COL6A3: variants seen among roughly 807,000 people sequenced by gnomAD.
COL6A3 encodes collagen alpha-3(VI) chain.
In COL6A3, 137 loss-of-function variants were observed where a neutral mutation model predicts 274.1. The observed-to-expected ratio is 0.50, with a 90% CI of 0.44 to 0.58. The LOEUF (loss-of-function observed/expected upper bound fraction) is 0.58, where lower values mean the gene tolerates loss of function less well. COL6A3 is among the 20% of genes least tolerant of loss of function. The pLI is 0.00. For missense variants in COL6A3, 3,950 were observed against 4,124.9 expected, an observed-to-expected ratio of 0.96 and a Z score of 1.16; for synonymous variants, 1,650 against 1,650.6, an observed-to-expected ratio of 1.00 and a Z score of 0.01.
At position 237,340,458 on chromosome 2, in the gene COL6A3, C is replaced by A; in HGVS notation, c.8458G>T (p.Val2820Phe). The A allele has an allele frequency of 6.2e-7, 1 of 1,612,450 alleles. No homozygotes were observed. Among genetic ancestry groups the A allele is most frequent in the South Asian group, 1.1e-5 (1 of 91,062 alleles). Residue 2820 changes from valine (V) to phenylalanine (F), a missense_variant, in exon 38 of 44, where the codon GTC becomes TTC. Transcript: ENST00000295550. ...TGTGCCACGCAGGACTTACTGCTGACGAAGGATGGCAACAGCCTCCCGAAG... is the reference window on the plus strand; with the variant it reads ...TGTGCCACGCAGGACTTACTGCTGAAGAAGGATGGCAACAGCCTCCCGAAG... ...MRFGRLLPSF[V>F]SSENAFYLSP...
intron 9 of COL6A3, among the ~76,000 whole-genome samples, chr2:237,370,889 G>A (rs1289426946): frequency 1.3e-5 from 2 of 152,052 alleles, no homozygotes; most frequent in Admixed American, 1.3e-4. Flanking sequence ...ATCACAATGG[G>A]GCAAGATGAA....
rs2077623565 is a variant in COL6A3, at chr2:237,369,054, G to T, written c.4409C>A (p.Pro1470His). ...SRIVRRLNIGPSKVRVGVVQF... is the reference protein window; with the variant it reads ...SRIVRRLNIGHSKVRVGVVQF... ...CACGACCCCAACTCTCACTTTACTG[G>T]GGCCGATGTTGAGTCTTCGAACAAT... Residue 1470 changes from proline (P) to histidine (H), a missense_variant, in exon 10 of 44, where the codon CCC becomes CAC. This residue lies in a region of COL6A3 where 1,934 missense variants were observed against 1,984.3 expected (regional missense o/e 0.97). Coordinates refer to ENST00000295550, the MANE Select transcript of COL6A3 (RefSeq NM_004369.4). 1 of 1,614,186 alleles carries T rather than the reference G, an allele frequency of 6.2e-7. No individual in the cohort carries two copies.
At chr2:237,353,635 C>T (rs1178190674) in intron 24 of COL6A3, among the ~76,000 whole-genome samples, 3 of 152,166 alleles carry the variant, frequency 2.0e-5, no homozygotes, top group Non-Finnish European at 4.4e-5. Flanking sequence ...CACCTCTCCT[C>T]GGACAGCTTT....
chr2:237,386,540 G>C (rs2078147338), intron 4 of COL6A3: 1 of 152,166 alleles, frequency 6.6e-6, no homozygotes, highest in South Asian at 2.1e-4. Context: ...TAGATGATTG[G>C]TTGCAGATGA....
Position 237,395,004 on chromosome 2 carries a change from T to A in COL6A3, c.292A>T (p.Thr98Ser), listed in dbSNP as rs76646066. The stretch of plus-strand genomic sequence containing the variant: ...ATATGAGAAAGGACTTCTTGTTTAG[T>A]ACGATACGTATTTAACAGGAACTCG... ...HTEFLLNTYR[T>S]KQEVLSHISN... The change falls in exon 3 of 44, where the codon ACT becomes TCT. Residue 98 changes from threonine to serine, a missense_variant. Coordinates refer to ENST00000295550, the MANE Select transcript of COL6A3 (RefSeq NM_004369.4). 2.6e-4 allele frequency: 427 copies of A among 1,614,212 alleles called. 5 individuals are homozygous for A. The East Asian group carries it at 8.6e-3, about 32-fold the overall frequency.
In COL6A3 at chr2:237,361,829, G is replaced by T; in HGVS notation, c.6066C>A (p.Asp2022Glu). The T allele has an allele frequency of 1.2e-6, 2 of 1,613,980 alleles. No homozygotes were observed. The highest frequency in any genetic ancestry group is 2.7e-5 in the African/African-American group (2 of 75,032). The change falls in exon 15 of 44, where the codon GAC (aspartate) becomes GAA (glutamate). Residue 2022 changes from aspartate to glutamate, a missense_variant and splice_region_variant. Transcript: ENST00000295550. The surrounding 1 kb of genome is among the most constrained non-coding windows in gnomAD (Gnocchi z 5.1). ...DLDYELAEQL[D>E]NIAEKACCGV... is the part of the protein sequence containing the mutation. ...CACAGCAAGCTTTCTCGGCAATGTT[G>T]TCCTACCGAAAGGAAGAGAAACCAA...
At chr2:237,348,198 T>C (rs1166166020) in intron 30 of COL6A3, 151 bp downstream of exon 30, 1 of 767,218 alleles carries the variant, frequency 1.3e-6, no homozygotes, top group South Asian at 1.5e-5. Flanking sequence ...TGAGAGAGTA[T>C]TTTAGGGAAG....
intron 1 of COL6A3, among the ~76,000 whole-genome samples, chr2:237,410,505 A>G (rs1373956668): frequency 6.6e-6 from 1 of 151,800 alleles, no homozygotes; most frequent in Non-Finnish European, 1.5e-5. Context: ...AGGTCTCCCT[A>G]TGTTGCCCAG....
In COL6A3 at chr2:237,394,891, T is replaced by C; in HGVS notation, c.405A>G (p.Gly135=). Residue 135 remains glycine, a synonymous_variant, in exon 3 of 44, where the codon GGA becomes GGG. Transcript: ENST00000295550. The part of the protein sequence containing the change: ...IMQSHLTKAA[G]SRAGDGVPQV... The stretch of plus-strand genomic sequence containing the variant: ...GAGGGACTCCGTCACCGGCCCGGCT[T>C]CCAGCAGCCTTGGTGAGGTGGCTTT... 1 of 1,611,782 alleles carries C rather than the reference T, an allele frequency of 6.2e-7. No individual in the cohort carries two copies. The highest frequency in any genetic ancestry group is 1.1e-5 in the South Asian group (1 of 91,056).
At chr2:237,409,850 C>A (rs2078811891) in intron 1 of COL6A3, among the ~76,000 whole-genome samples, 1 of 152,118 alleles carries the variant, frequency 6.6e-6, no homozygotes, top group African/African-American at 2.4e-5. Flanking sequence ...TCTCAAGCAC[C>A]CGACTGTTCA....
Position 237,369,107 on chromosome 2 carries a change from A to G in COL6A3, c.4356T>C (p.Phe1452=). ...TGCTAACAAAATCTCGAATATGTGCAAAGCCATCTGGCCTAACTCCCTCAG... is the reference window on the plus strand; with the variant it reads ...TGCTAACAAAATCTCGAATATGTGCGAAGCCATCTGGCCTAACTCCCTCAG... The part of the protein sequence containing the change: ...DSSEGVRPDG[F]AHIRDFVSRI... The change falls in exon 10 of 44, where the codon TTT becomes TTC. Residue 1452 remains phenylalanine, a synonymous_variant. Transcript: ENST00000295550. 1 of 1,614,228 alleles carries G rather than the reference A, an allele frequency of 6.2e-7. No homozygotes were observed. The highest frequency in any genetic ancestry group is 8.5e-7 in the Non-Finnish European group (1 of 1,180,050).
At chr2:237,370,616 G>C (rs2077664384) in intron 9 of COL6A3, among the ~76,000 whole-genome samples, 1 of 152,130 alleles carries the variant, frequency 6.6e-6, no homozygotes, top group South Asian at 2.1e-4. Context: ...AGAATTTTAG[G>C]TACTCCTCAG....
intron 1 of COL6A3, among the ~76,000 whole-genome samples, chr2:237,404,277 G>A (rs1342128215): frequency 6.6e-6 from 1 of 152,130 alleles, no homozygotes; most frequent in African/African-American, 2.4e-5. Context: ...ATCTATGGAT[G>A]AGGGTTTTTC....
chr2:237,375,890 A>G (rs1033237084), intron 7 of COL6A3, among the ~76,000 whole-genome samples: 2 of 152,210 alleles, frequency 1.3e-5, no homozygotes, highest in Admixed American at 6.5e-5. Context: ...TATAACAGCA[A>G]TGGGAAACTA....
chr2:237,344,783 C>T lies in COL6A3; in HGVS notation c.7235G>A (p.Gly2412Glu), dbSNP rs776496050. 4.4e-6 allele frequency: 7 copies of T among 1,605,380 alleles called. No individual in the cohort carries two copies. In the Admixed American group the frequency reaches 1.0e-4, roughly 23 times the overall value. Residue 2412 changes from glycine (G) to glutamate (E), a missense_variant, in exon 36 of 44, where the codon GGA becomes GAA. Transcript: ENST00000295550. This position sits in a 1 kb window ranked among gnomAD's most constrained non-coding sequence, Gnocchi z 4.8. ...ELAFALDTSE[G>E]VNQDTFGRMR... ...CCGGCCGAAAGTGTCTTGGTTGACTCCCTCAGAGGTGTCTAAAGCAAAGGC... is the reference window on the plus strand; with the variant it reads ...CCGGCCGAAAGTGTCTTGGTTGACTTCCTCAGAGGTGTCTAAAGCAAAGGC...
intron 23 of COL6A3, among the ~76,000 whole-genome samples, chr2:237,356,537 G>A (rs1047547184): frequency 3.3e-5 from 5 of 152,174 alleles, no homozygotes; most frequent in Admixed American, 6.5e-5. Context: ...GTGCCGGGCC[G>A]AACGAGCCAC....
intron 1 of COL6A3, among the ~76,000 whole-genome samples, chr2:237,406,479 T>C (rs2078721339): frequency 6.6e-6 from 1 of 152,114 alleles, no homozygotes; most frequent in South Asian, 2.1e-4. Context: ...ATGGGAGCAG[T>C]GGAAATAGTC....
At position 237,338,678 on chromosome 2, in the gene COL6A3, G is replaced by T. The variant is rs145216890; in HGVS notation, c.8567+337C>A. On this transcript the variant is annotated intron_variant, in intron 39 of 43. Coordinates refer to ENST00000295550, the MANE Select transcript of COL6A3 (RefSeq NM_004369.4). The stretch of plus-strand genomic sequence containing the variant: ...AGCTACTCGGGAGGCTGAAGCATGA[G>T]AATTGCTTGAATCCAGGAGGCAGAG... Among the ~76,000 whole-genome samples, 704 of 152,308 alleles carry T rather than the reference G, an allele frequency of 4.6e-3. 6 individuals are homozygous for T. Among genetic ancestry groups the T allele is most frequent in the African/African-American group, 0.016 (653 of 41,562 alleles).
At chr2:237,353,002 T>A (rs2077239553) in intron 25 of COL6A3, among the ~76,000 whole-genome samples, 2 of 152,218 alleles carry the variant, frequency 1.3e-5, no homozygotes. Context: ...AAGAACATGA[T>A]GCTCCGTCAA....
Sources: gnomAD v4.1 joint callset for allele counts (sites outside exome capture counted in the v4.1 genomes callset) on GRCh38, gnomAD v4.1.1 for gene constraint, gnomAD v4.1.1 regional missense constraint, Gnocchi (gnomAD v3.1) non-coding constraint, MANE v1.5 for transcripts, NCBI Gene and HGNC (gene_info 2026-07-23, HGNC 2026-07-21) for gene names.